Variants in SUGCT observed in about 807,000 individuals in gnomAD.
The protein encoded by SUGCT is succinyl-CoA:glutarate CoA-transferase.
A neutral mutation model predicts 55.0 loss-of-function variants in SUGCT; 41 were observed. The observed-to-expected ratio is 0.74, with a 90% CI of 0.58 to 0.97. The LOEUF is 0.97. SUGCT is among the 50% of genes least tolerant of loss of function. SUGCT has a pLI of 0.00. For synonymous variants in SUGCT, 187 were observed against 200.4 expected, an observed-to-expected ratio of 0.93 and a Z score of 0.56; for missense variants, 568 against 547.8, an observed-to-expected ratio of 1.04 and a Z score of -0.37.
chr7:40,894,341 C>T, the SUGCT span, among the ~76,000 whole-genome samples: 4 of 152,016 alleles, frequency 2.6e-5, no homozygotes, highest in Non-Finnish European at 5.9e-5. Context: ...GAAGTAAATG[C>T]AAAACTTAAA....
chr7:40,855,538 CTGTTT>C (rs1291462284), intron 13 of SUGCT, among the ~76,000 whole-genome samples: 2 of 150,928 alleles, frequency 1.3e-5, no homozygotes, highest in African/African-American at 4.9e-5. Context: ...TGTTCTTGTT[CTGTTT>C]TGAGTTATCT....
At chr7:40,900,042 C>T in the SUGCT span, among the ~76,000 whole-genome samples, 1 of 152,144 alleles carries the variant, frequency 6.6e-6, no homozygotes, top group Non-Finnish European at 1.5e-5. Flanking sequence ...AGGACCCCCA[C>T]CTCCTTCATC....
the SUGCT span, among the ~76,000 whole-genome samples, chr7:40,962,172 A>G: frequency 2.0e-5 from 3 of 152,172 alleles, no homozygotes; most frequent in Non-Finnish European, 2.9e-5. Context: ...ACCCTTAGCT[A>G]GACACAGAGT....
intron 13 of SUGCT, among the ~76,000 whole-genome samples, chr7:40,799,716 G>A (rs1790718104): frequency 6.6e-6 from 1 of 152,180 alleles, no homozygotes; most frequent in African/African-American, 2.4e-5. Context: ...AAATTTGTCA[G>A]TTGAGGCAGT....
chr7:40,586,597 T>A (rs1291978343), intron 12 of SUGCT, among the ~76,000 whole-genome samples: 2 of 151,346 alleles, frequency 1.3e-5, no homozygotes, highest in East Asian at 3.8e-4. Context: ...AGTGTTAAAT[T>A]TGGGATTAGT....
chr7:40,357,482 T>C (rs1797932565), intron 9 of SUGCT, among the ~76,000 whole-genome samples: 1 of 152,176 alleles, frequency 6.6e-6, no homozygotes, highest in Non-Finnish European at 1.5e-5. Flanking sequence ...TGAGTTATGA[T>C]TGTGTCGCTG....
At chr7:40,441,934 G>A (rs1186988373) in intron 9 of SUGCT, among the ~76,000 whole-genome samples, 1 of 152,012 alleles carries the variant, frequency 6.6e-6, no homozygotes, top group Non-Finnish European at 1.5e-5. Flanking sequence ...CTGGGTGGGG[G>A]GTCTCAGGAC....
At chr7:40,150,994 C>T (rs1040059032) in intron 1 of SUGCT, among the ~76,000 whole-genome samples, 3 of 152,170 alleles carry the variant, frequency 2.0e-5, no homozygotes, top group East Asian at 1.9e-4. Flanking sequence ...CCCAGCACTT[C>T]GGGAGGCTGA....
intron 3 of SUGCT, 103 bp from the exon 4 acceptor site, chr7:40,188,392 C>G (rs1785668884): frequency 2.6e-6 from 2 of 782,360 alleles, no homozygotes; most frequent in African/African-American, 3.7e-5. Flanking sequence ...AGAGATCGTT[C>G]CTCTGCACTC....
chr7:40,841,431 C>T (rs1217658604), intron 13 of SUGCT, among the ~76,000 whole-genome samples: 2 of 152,034 alleles, frequency 1.3e-5, no homozygotes, highest in Non-Finnish European at 2.9e-5. Context: ...TATCTTTGTG[C>T]TATCTTGTTA....
At chr7:40,631,471 T>A (rs1369576447) in intron 12 of SUGCT, among the ~76,000 whole-genome samples, 1 of 152,224 alleles carries the variant, frequency 6.6e-6, no homozygotes, top group Non-Finnish European at 1.5e-5. Flanking sequence ...TGGTTTTCAC[T>A]CATCAAAGAA....
chr7:40,185,370 T>G (rs924380287), intron 3 of SUGCT, among the ~76,000 whole-genome samples: 1 of 152,184 alleles, frequency 6.6e-6, no homozygotes, highest in South Asian at 2.1e-4. Flanking sequence ...TTTTATAAAT[T>G]GTTGTTCCCT....
At chr7:40,984,992 A>G in the SUGCT span, among the ~76,000 whole-genome samples, 4 of 152,216 alleles carry the variant, frequency 2.6e-5, no homozygotes, top group Admixed American at 1.3e-4. Flanking sequence ...CAGAGACTCA[A>G]GGGAACATTT....
chr7:40,479,326 T>C (rs994533648), intron 11 of SUGCT, among the ~76,000 whole-genome samples: 2 of 152,164 alleles, frequency 1.3e-5, no homozygotes, highest in African/African-American at 2.4e-5. Context: ...AATGAATTTT[T>C]GTTGTTCCTT....
At chr7:40,505,254 A>G (rs1348870384) in intron 12 of SUGCT, among the ~76,000 whole-genome samples, 2 of 152,150 alleles carry the variant, frequency 1.3e-5, no homozygotes, top group Non-Finnish European at 2.9e-5. Context: ...ATTCTAAAGT[A>G]TGTCTCATGT....
downstream of SUGCT, among the ~76,000 whole-genome samples, chr7:40,864,287 G>T (rs552838785): frequency 1.2e-4 from 18 of 152,258 alleles, no homozygotes; most frequent in African/African-American, 4.1e-4. Flanking sequence ...CTCCCAAGTA[G>T]CTGGGACTAC....
At chr7:40,549,263 A>T in intron 12 of SUGCT, among the ~76,000 whole-genome samples, 1 of 152,196 alleles carries the variant, frequency 6.6e-6, no homozygotes, top group East Asian at 1.9e-4. Context: ...GGAGACTTTT[A>T]TGTGTTATTA....
chr7:40,609,914 T>C (rs1798696720), intron 12 of SUGCT, among the ~76,000 whole-genome samples: 1 of 152,120 alleles, frequency 6.6e-6, no homozygotes. Context: ...TATAATGGAG[T>C]AGAGCAATGT....
chr7:40,725,007 T>C (rs1227013984), intron 12 of SUGCT, among the ~76,000 whole-genome samples: 2 of 152,164 alleles, frequency 1.3e-5, no homozygotes, highest in African/African-American at 4.8e-5. Flanking sequence ...CAGTTGAGAG[T>C]TAGAAATGCT....
Sources: gnomAD v4.1 joint callset for allele counts (sites outside exome capture counted in the v4.1 genomes callset) on GRCh38, gnomAD v4.1.1 for gene constraint, MANE v1.5 for transcripts, NCBI Gene and HGNC (gene_info 2026-07-23, HGNC 2026-07-21) for gene names.